ADCY8: variants seen among roughly 807,000 people sequenced by gnomAD.
ADCY8 encodes the protein adenylate cyclase type 8.
ADCY8 carries 51 observed loss-of-function variants against 119.7 expected under a neutral mutation model. The observed-to-expected ratio is 0.43, with a 90% CI of 0.34 to 0.54. ADCY8 has a LOEUF of 0.54. ADCY8 is among the 20% of genes least tolerant of loss of function. ADCY8 has a pLI of 0.03. For missense variants in ADCY8, 1,383 were observed against 1,598.8 expected, an observed-to-expected ratio of 0.87 and a Z score of 2.30; for synonymous variants, 665 against 651.0, an observed-to-expected ratio of 1.02 and a Z score of -0.33.
chr8:130,896,931 T>A (rs73346442), intron 7 of ADCY8, among the ~76,000 whole-genome samples: 1 of 152,050 alleles, frequency 6.6e-6, no homozygotes, highest in Non-Finnish European at 1.5e-5. Flanking sequence ...GGAAACTGAA[T>A]AGGGCAATGT....
chr8:130,928,788 T>C lies in ADCY8; in HGVS notation c.1481+8285A>G, dbSNP rs755772291. On this transcript the variant is annotated intron_variant, in intron 5 of 17. Coordinates refer to ENST00000286355, the MANE Select transcript of ADCY8 (RefSeq NM_001115.3). ...AGTGTCTTTGTCTGGCTTTGGTCTC[T>C]GGATGATGCTAGCCTCATAAAATGA... Among the ~76,000 whole-genome samples the C allele has an allele frequency of 7.8e-4, 119 of 152,220 alleles. 1 individual carries two copies. The highest frequency in any genetic ancestry group is 2.9e-4 in the Non-Finnish European group (20 of 68,034).
chr8:130,898,262 T>C (rs571767292), intron 7 of ADCY8, among the ~76,000 whole-genome samples: 280 of 152,216 alleles, frequency 1.8e-3, no homozygotes, highest in African/African-American at 6.4e-3. Flanking sequence ...CCCTGTAAGG[T>C]TGGTGTGAGA....
intron 7 of ADCY8, among the ~76,000 whole-genome samples, chr8:130,886,506 T>C (rs1381344766): frequency 6.6e-6 from 1 of 152,116 alleles, no homozygotes; most frequent in East Asian, 1.9e-4. Flanking sequence ...AGCTGAACTG[T>C]CAGCCACTTG....
chr8:130,792,265 A>C (rs1815447284), intron 15 of ADCY8, among the ~76,000 whole-genome samples: 1 of 152,090 alleles, frequency 6.6e-6, no homozygotes, highest in African/African-American at 2.4e-5. Flanking sequence ...TCTGTGGTTA[A>C]TTCCTTCTTT....
intron 1 of ADCY8, among the ~76,000 whole-genome samples, chr8:131,024,553 A>G (rs998651936): frequency 6.6e-6 from 1 of 152,220 alleles, no homozygotes; most frequent in African/African-American, 2.4e-5. Flanking sequence ...TGGCTCGGTA[A>G]TACTTTCACA....
chr8:130,836,214 C>T (rs1301649121), intron 12 of ADCY8, 63 bp downstream of exon 12: 17 of 1,510,532 alleles, frequency 1.1e-5, no homozygotes, highest in East Asian at 4.6e-5. Context: ...CATCATTTTC[C>T]CAACAATTCC....
chr8:130,968,134 G>T (rs753599229), intron 2 of ADCY8, among the ~76,000 whole-genome samples: 1 of 151,592 alleles, frequency 6.6e-6, no homozygotes, highest in Non-Finnish European at 1.5e-5. Flanking sequence ...GGTCTGTAGA[G>T]AATTTAAAAT....
At chr8:130,891,598 G>A (rs1308342892) in intron 7 of ADCY8, among the ~76,000 whole-genome samples, 1 of 152,090 alleles carries the variant, frequency 6.6e-6, no homozygotes, top group African/African-American at 2.4e-5. Context: ...AGTCTACAAT[G>A]GTTTGCATTG....
At chr8:130,968,254 C>G (rs1821822175) in intron 2 of ADCY8, among the ~76,000 whole-genome samples, 1 of 151,856 alleles carries the variant, frequency 6.6e-6, no homozygotes, top group Non-Finnish European at 1.5e-5. Flanking sequence ...ACTGCAAGCT[C>G]TGCCTTCTGG....
intron 15 of ADCY8, among the ~76,000 whole-genome samples, chr8:130,792,075 C>G (rs2572867): frequency 0.31 from 46,782 of 152,150 alleles, 8,690 homozygotes; most frequent in East Asian, 0.67. Context: ...CTGCTCCTTT[C>G]CAGGTCCTGG....
At chr8:130,874,297 G>A (rs2130422419) in intron 8 of ADCY8, among the ~76,000 whole-genome samples, 1 of 149,078 alleles carries the variant, frequency 6.7e-6, no homozygotes, top group South Asian at 2.1e-4. Context: ...GACAAAGCAA[G>A]ACTCTGACTT....
At chr8:130,914,342 G>A (rs1048387244) in intron 5 of ADCY8, among the ~76,000 whole-genome samples, 5 of 152,152 alleles carry the variant, frequency 3.3e-5, no homozygotes, top group Admixed American at 6.5e-5. Flanking sequence ...AGCACACGGC[G>A]CTAATGTCAT....
At chr8:131,025,544 C>A (rs1414991337) in intron 1 of ADCY8, among the ~76,000 whole-genome samples, 1 of 152,142 alleles carries the variant, frequency 6.6e-6, no homozygotes, top group African/African-American at 2.4e-5. Context: ...CGGTGATATA[C>A]AAAAGGACAG....
At chr8:130,849,255 T>C (rs1345257191) in intron 10 of ADCY8, among the ~76,000 whole-genome samples, 2 of 152,124 alleles carry the variant, frequency 1.3e-5, no homozygotes, top group African/African-American at 2.4e-5. Context: ...TATGTAAAGG[T>C]CCTCCTTCAG....
chr8:130,982,031 C>A (rs1822255753), intron 2 of ADCY8, among the ~76,000 whole-genome samples: 1 of 152,212 alleles, frequency 6.6e-6, no homozygotes, highest in Admixed American at 6.5e-5. Flanking sequence ...GAATCAAATA[C>A]AGGTTTGTTT....
chr8:130,946,067 T>C (rs1022977529), intron 3 of ADCY8, among the ~76,000 whole-genome samples: 2 of 152,208 alleles, frequency 1.3e-5, no homozygotes, highest in African/African-American at 4.8e-5. Flanking sequence ...GACAGGCTCT[T>C]AGATCACTTG....
At chr8:130,959,966 AT>A (rs1463070997) in intron 2 of ADCY8, among the ~76,000 whole-genome samples, 1 of 152,188 alleles carries the variant, frequency 6.6e-6, no homozygotes, top group Non-Finnish European at 1.5e-5. Context: ...TCACATTTAG[AT>A]TTTTTTCAAC....
intron 15 of ADCY8, among the ~76,000 whole-genome samples, chr8:130,789,465 A>G (rs894200668): frequency 6.6e-6 from 1 of 152,148 alleles, no homozygotes; most frequent in African/African-American, 2.4e-5. Flanking sequence ...ACAACATTGC[A>G]TGTTTCCTTG....
At chr8:130,794,986 G>A (rs1255572356) in intron 15 of ADCY8, among the ~76,000 whole-genome samples, 1 of 152,126 alleles carries the variant, frequency 6.6e-6, no homozygotes, top group East Asian at 1.9e-4. Flanking sequence ...CACTGTGGGA[G>A]GCTGAGGCAG....
Sources: allele counts gnomAD v4.1 joint callset (sites outside exome capture counted in the v4.1 genomes callset), GRCh38; gene constraint gnomAD v4.1.1; transcripts MANE v1.5; gene names NCBI Gene and HGNC (gene_info 2026-07-23, HGNC 2026-07-21).